The following ATE1 variants were observed in gnomAD, a reference collection of about 807,000 sequenced individuals.
ATE1 encodes the protein arginyltransferase 1.
In ATE1, 36 loss-of-function variants were observed where a neutral mutation model predicts 70.5. The ratio of observed to expected loss-of-function variants is 0.51; its 90% CI spans 0.39 to 0.67. The LOEUF (loss-of-function observed/expected upper bound fraction) is 0.67, where lower values mean the gene tolerates loss of function less well. Ranked by LOEUF, ATE1 falls within the 30% of genes least tolerant of loss-of-function variation. ATE1 has a pLI of 0.00. For missense variants in ATE1, 593 were observed against 629.5 expected (o/e 0.94, Z 0.62); for synonymous variants, 232 against 219.3 (o/e 1.06, Z -0.51).
intron 11 of ATE1, among the ~76,000 whole-genome samples, chr10:121,754,551 A>G (rs1250581680): frequency 6.6e-6 from 1 of 152,162 alleles, no homozygotes; most frequent in Non-Finnish European, 1.5e-5. Flanking sequence ...GGGAAAGAGG[A>G]CTGCTTTTCC....
intron 7 of ATE1, among the ~76,000 whole-genome samples, chr10:121,880,255 C>A (rs1950185191): frequency 6.6e-6 from 1 of 152,122 alleles, no homozygotes; most frequent in South Asian, 2.1e-4. Context: ...AATACGCCCA[C>A]ATCTTGTCAG....
chr10:121,871,668 A>C (rs1296387254), intron 7 of ATE1, among the ~76,000 whole-genome samples: 1 of 152,180 alleles, frequency 6.6e-6, no homozygotes, highest in African/African-American at 2.4e-5. Context: ...CCATTCAATT[A>C]AATAGTATCA....
rs184788656 is a variant in ATE1 at position 121,792,727 on chromosome 10, C to T, written c.1258-2438G>A. Among the ~76,000 whole-genome samples the T allele has an allele frequency of 6.0e-3, 921 of 152,272 alleles. 3 individuals carry two copies. Among genetic ancestry groups the T allele is most frequent in the South Asian group, 0.015 (73 of 4,818 alleles). ...GGACATGAATCAGAAAACTAGACAG[C>T]ATCCTAAAGCTGTGCTTCTAAGTCT... On this transcript the variant is annotated intron_variant, in intron 10 of 11. Coordinates refer to ENST00000224652, the MANE Select transcript of ATE1 (RefSeq NM_001001976.3).
upstream of ATE1, chr10:121,928,170 A>G (rs1952183161): frequency 4.7e-6 from 6 of 1,289,658 alleles, no homozygotes; most frequent in Admixed American, 4.2e-5. Flanking sequence ...CTTCTCCATA[A>G]GGGGCCGCCG....
intron 9 of ATE1, among the ~76,000 whole-genome samples, chr10:121,837,443 T>C (rs1246368233): frequency 6.6e-6 from 1 of 152,228 alleles, no homozygotes; most frequent in Non-Finnish European, 1.5e-5. Flanking sequence ...ATGAATTTTT[T>C]TTCATTTGCA....
At chr10:121,884,105 CAAAAAAA>C (rs56040116) in intron 7 of ATE1, among the ~76,000 whole-genome samples, 1 of 43,416 alleles carries the variant, frequency 2.3e-5, no homozygotes, top group African/African-American at 1.1e-4. Flanking sequence ...GACCCAGACT[CAAAAAAA>C]AAAAAAAAAA....
intron 7 of ATE1, chr10:121,898,895 G>T: frequency 6.2e-7 from 1 of 1,613,934 alleles, no homozygotes; most frequent in South Asian, 1.1e-5. Flanking sequence ...CTTGATACTT[G>T]ACATACAAAG....
chr10:121,867,623 G>C (rs1359657569), intron 8 of ATE1, among the ~76,000 whole-genome samples: 1 of 152,094 alleles, frequency 6.6e-6, no homozygotes, highest in Non-Finnish European at 1.5e-5. Context: ...TCTACCCACT[G>C]TGGGCCCTTT....
At chr10:121,775,551 A>C (rs1439783092) in intron 11 of ATE1, among the ~76,000 whole-genome samples, 1 of 152,236 alleles carries the variant, frequency 6.6e-6, no homozygotes, top group Non-Finnish European at 1.5e-5. Context: ...AGAGGAGAGG[A>C]GGAAAAGAGC....
intron 11 of ATE1, among the ~76,000 whole-genome samples, chr10:121,752,881 G>A (rs369959652): frequency 6.6e-6 from 1 of 152,130 alleles, no homozygotes; most frequent in Non-Finnish European, 1.5e-5. Flanking sequence ...CTGCAGGGAA[G>A]CCAGCTGGGA....
intron 5 of ATE1, among the ~76,000 whole-genome samples, chr10:121,904,011 G>A (rs940775133): frequency 2.7e-5 from 4 of 148,840 alleles, no homozygotes; most frequent in Non-Finnish European, 5.9e-5. Context: ...ACAGAGTCTC[G>A]CTCTGTCACC....
rs147458113 is a variant in ATE1, at chr10:121,833,614, C to T, written c.1257+3104G>A. ...GAAAAATGATAAGATGGGGAATTTG[C>T]AAGCTTGGGGGAGGGGCAAAGGGAA... On this transcript the variant is annotated intron_variant, in intron 10 of 11. Coordinates refer to ENST00000224652, the MANE Select transcript of ATE1 (RefSeq NM_001001976.3). Among the ~76,000 whole-genome samples, 38 of 149,834 alleles carry T rather than the reference C, an allele frequency of 2.5e-4. No homozygotes were observed. In the East Asian group the frequency reaches 7.8e-3, roughly 31 times the overall value.
At chr10:121,912,897 G>A (rs1951500164) in intron 4 of ATE1, among the ~76,000 whole-genome samples, 1 of 121,114 alleles carries the variant, frequency 8.3e-6, no homozygotes, top group Non-Finnish European at 2.0e-5. Context: ...ACGAAGCTCG[G>A]CCAATTTTTT....
At chr10:121,849,396 T>C (rs371851330) in intron 8 of ATE1, among the ~76,000 whole-genome samples, 1 of 152,182 alleles carries the variant, frequency 6.6e-6, no homozygotes, top group East Asian at 1.9e-4. Context: ...ACCTCCCATC[T>C]GAAAACCTGC....
intron 11 of ATE1, among the ~76,000 whole-genome samples, chr10:121,754,934 CCTGAATCT>C (rs2135735699): frequency 6.6e-6 from 1 of 152,226 alleles, no homozygotes; most frequent in African/African-American, 2.4e-5. Context: ...AGCTATGTGA[CCTGAATCT>C]AATTACAAAG....
chr10:121,774,528 G>A (rs1176828564), intron 11 of ATE1, among the ~76,000 whole-genome samples: 1 of 152,128 alleles, frequency 6.6e-6, no homozygotes, highest in Admixed American at 6.5e-5. Context: ...GATTTATAAG[G>A]TCAGTACAGA....
At chr10:121,893,749 G>C (rs1950663956) in intron 7 of ATE1, among the ~76,000 whole-genome samples, 1 of 151,930 alleles carries the variant, frequency 6.6e-6, no homozygotes, top group Non-Finnish European at 1.5e-5. Context: ...AAAATATATA[G>C]TGAAAAAAAT....
chr10:121,867,547 G>A (rs1225186060), intron 8 of ATE1, among the ~76,000 whole-genome samples: 1 of 152,050 alleles, frequency 6.6e-6, no homozygotes. Flanking sequence ...AAATCAAAGA[G>A]ACTCCCGTTG....
intron 6 of ATE1, among the ~76,000 whole-genome samples, chr10:121,901,578 T>G (rs1564944581): frequency 1.3e-5 from 2 of 152,098 alleles, no homozygotes; most frequent in African/African-American, 4.8e-5. Flanking sequence ...TGTCTCAGCC[T>G]CTCTAGGAGT....
Sources: gnomAD v4.1 joint callset for allele counts (sites outside exome capture counted in the v4.1 genomes callset) on GRCh38, gnomAD v4.1.1 for gene constraint, MANE v1.5 for transcripts, NCBI Gene and HGNC (gene_info 2026-07-23, HGNC 2026-07-21) for gene names.